DOCK1: variants seen among roughly 807,000 people sequenced by gnomAD.
DOCK1 encodes the protein dedicator of cytokinesis 1, also known as dedicator of cytokinesis protein 1.
In DOCK1, 138 loss-of-function variants were observed where a neutral mutation model predicts 262.7. That is an observed-to-expected ratio of 0.53 (90% CI 0.46 to 0.61). DOCK1 has a LOEUF of 0.61. Ranked by LOEUF, DOCK1 falls within the 20% of genes least tolerant of loss-of-function variation. The pLI, the probability that DOCK1 is intolerant of heterozygous loss-of-function variation, is 0.00. For missense variants in DOCK1, 1,908 were observed against 2,370.7 expected (o/e 0.80, Z 4.05); for synonymous variants, 866 against 867.4 (o/e 1.00, Z 0.03).
At chr10:127,447,697 G>A (rs2070676727) in intron 51 of DOCK1, among the ~76,000 whole-genome samples, 152 bp downstream of exon 51, 1 of 152,160 alleles carries the variant, frequency 6.6e-6, no homozygotes, top group Non-Finnish European at 1.5e-5. Flanking sequence ...TTTGCAAAAA[G>A]ATATCGAAGC....
chr10:127,191,412 A>G (rs1369594502), intron 27 of DOCK1, among the ~76,000 whole-genome samples: 1 of 152,126 alleles, frequency 6.6e-6, no homozygotes, highest in Non-Finnish European at 1.5e-5. Context: ...CTGCATATCC[A>G]TCTACCTTCC....
chr10:127,375,059 GC>G (rs777085181), intron 35 of DOCK1, among the ~76,000 whole-genome samples: 31 of 152,372 alleles, frequency 2.0e-4, no homozygotes, highest in Non-Finnish European at 4.6e-4. Flanking sequence ...TCTGCCTTTT[GC>G]ATTCCTGCTG....
At chr10:127,143,316 G>A (rs2133325505) in intron 27 of DOCK1, among the ~76,000 whole-genome samples, 1 of 152,282 alleles carries the variant, frequency 6.6e-6, no homozygotes, top group South Asian at 2.1e-4. Flanking sequence ...GGGCCATGTG[G>A]CTCGGTGGCC....
chr10:127,006,324 C>T (rs1565055069), intron 10 of DOCK1, among the ~76,000 whole-genome samples: 1 of 152,218 alleles, frequency 6.6e-6, no homozygotes, highest in African/African-American at 2.4e-5. Flanking sequence ...ACGCCACTGC[C>T]TCCTTCCTTC....
chr10:126,989,326 T>G (rs1032280002), intron 5 of DOCK1, among the ~76,000 whole-genome samples: 28 of 151,970 alleles, frequency 1.8e-4, no homozygotes, highest in African/African-American at 6.0e-4. Context: ...TTAGATACCT[T>G]TTTATTTATT....
chr10:127,442,405 G>C (rs10765098), intron 49 of DOCK1, among the ~76,000 whole-genome samples: 47,917 of 152,072 alleles, frequency 0.32, 8,034 homozygotes, highest in East Asian at 0.44. Flanking sequence ...GGGGGAGAAC[G>C]TTGACCCCTC....
intron 27 of DOCK1, among the ~76,000 whole-genome samples, chr10:127,214,259 G>A (rs552220691): frequency 2.0e-5 from 3 of 152,106 alleles, no homozygotes; most frequent in Non-Finnish European, 4.4e-5. Flanking sequence ...TCCAGTCCCT[G>A]AGTAGCTCCC....
At chr10:127,354,946 C>T (rs1377099273) in intron 32 of DOCK1, among the ~76,000 whole-genome samples, 2 of 152,176 alleles carry the variant, frequency 1.3e-5, no homozygotes, top group East Asian at 3.9e-4. Context: ...AAAGAAAAAT[C>T]CACAGAGCAC....
intron 1 of DOCK1, among the ~76,000 whole-genome samples, chr10:126,918,249 G>A (rs140613788): frequency 3.0e-4 from 45 of 150,956 alleles, no homozygotes; most frequent in African/African-American, 1.0e-3. Context: ...TGATGCCTGG[G>A]ATTGATTGCC....
At chr10:127,008,591 T>G (rs1262149624) in intron 10 of DOCK1, 141 bp from the exon 11 acceptor site, 9 of 739,260 alleles carry the variant, frequency 1.2e-5, no homozygotes, top group Non-Finnish European at 1.9e-5. Flanking sequence ...CTTTCAAGCA[T>G]GGAAATAATT....
At chr10:127,343,036 G>A (rs2063497951) in intron 30 of DOCK1, among the ~76,000 whole-genome samples, 2 of 152,166 alleles carry the variant, frequency 1.3e-5, no homozygotes. Context: ...CTTGAGGTCA[G>A]GAGTTCAAGA....
chr10:126,911,972 A>C (rs4298812), intron 1 of DOCK1, among the ~76,000 whole-genome samples: 37,593 of 152,038 alleles, frequency 0.25, 5,315 homozygotes, highest in East Asian at 0.53. Context: ...TGGCTTAACC[A>C]ACAGGACTGT....
rs550632019 is a variant in DOCK1, at chr10:127,052,423, C to T, written c.2202-258C>T. ...CCTATAATTCCAACTACTTGGGAGG[C>T]GGAGGCAGGAGAATCACTTGAGCCC... is the stretch of plus-strand genomic sequence containing the variant. On this transcript the variant is annotated intron_variant, in intron 21 of 51. Coordinates refer to ENST00000623213, the MANE Select transcript of DOCK1 (RefSeq NM_001290223.2). 1.9e-4 allele frequency among the ~76,000 whole-genome samples: 29 copies of T among 151,420 alleles called. No homozygotes were observed. The South Asian group carries it at 6.0e-3, about 32-fold the overall frequency.
chr10:127,072,263 T>C (rs547656079), intron 23 of DOCK1, among the ~76,000 whole-genome samples: 41 of 152,334 alleles, frequency 2.7e-4, no homozygotes, highest in African/African-American at 9.6e-4. Context: ...TTCAATCATA[T>C]GTTCATTCTC....
chr10:127,371,819 C>A (rs2065223711), intron 33 of DOCK1, among the ~76,000 whole-genome samples: 1 of 152,146 alleles, frequency 6.6e-6, no homozygotes, highest in Non-Finnish European at 1.5e-5. Context: ...AGCGATCTCC[C>A]TTGTATGTGA....
At chr10:127,415,295 C>A in intron 44 of DOCK1, 57 bp downstream of exon 44, 3 of 1,539,088 alleles carry the variant, frequency 1.9e-6, no homozygotes, top group South Asian at 2.4e-5. Flanking sequence ...ATACAGTCTG[C>A]CACGCCTTCT....
chr10:127,165,379 T>C (rs1037034579), intron 27 of DOCK1, among the ~76,000 whole-genome samples: 2 of 152,158 alleles, frequency 1.3e-5, no homozygotes, highest in Non-Finnish European at 2.9e-5. Context: ...AATCTTGAAA[T>C]TTTGGTGTGA....
At chr10:127,422,687 T>C (rs1450822234) in intron 46 of DOCK1, among the ~76,000 whole-genome samples, 3 of 152,242 alleles carry the variant, frequency 2.0e-5, no homozygotes, top group Non-Finnish European at 4.4e-5. Flanking sequence ...AAGCCTCATG[T>C]AGACAGTCTC....
At chr10:127,078,586 C>T (rs1318742444) in intron 23 of DOCK1, among the ~76,000 whole-genome samples, 1 of 152,194 alleles carries the variant, frequency 6.6e-6, no homozygotes, top group Non-Finnish European at 1.5e-5. Flanking sequence ...CCGGCAATCC[C>T]ATTCCTGGGT....
Sources: gnomAD v4.1 joint callset for allele counts (sites outside exome capture counted in the v4.1 genomes callset) on GRCh38, gnomAD v4.1.1 for gene constraint, MANE v1.5 for transcripts, NCBI Gene and HGNC (gene_info 2026-07-23, HGNC 2026-07-21) for gene names.